The following SIPA1L1 variants were observed in gnomAD, a reference collection of about 807,000 sequenced individuals.
SIPA1L1 encodes the protein signal-induced proliferation-associated 1-like protein 1.
SIPA1L1 carries 26 observed loss-of-function variants against 162.7 expected under a neutral mutation model. The observed-to-expected ratio is 0.16, with a 90% CI of 0.12 to 0.22. SIPA1L1 has a LOEUF of 0.22. SIPA1L1 is among the 10% of genes least tolerant of loss of function. The pLI, the probability that SIPA1L1 is intolerant of heterozygous loss-of-function variation, is 1.00. For synonymous variants in SIPA1L1, 829 were observed against 837.4 expected (o/e 0.99, Z 0.17); for missense variants, 1,874 against 2,241.0 (o/e 0.84, Z 3.31).
At chr14:71,321,325 G>C (rs1291247905) in intron 2 of SIPA1L1, 144 bp downstream of exon 2, 1 of 152,400 alleles carries the variant, frequency 6.6e-6, no homozygotes, top group African/African-American at 2.4e-5. Context: ...TTTCGATTTG[G>C]TGGCTTGCTG....
intron 2 of SIPA1L1, among the ~76,000 whole-genome samples, chr14:71,481,445 C>T (rs188227138): frequency 4.6e-5 from 7 of 152,188 alleles, no homozygotes; most frequent in Admixed American, 1.3e-4. Context: ...CTCCATTGCA[C>T]ACCAGTTGCA....
chr14:71,589,545 A>G (rs2035000570), intron 5 of SIPA1L1, among the ~76,000 whole-genome samples, 175 bp downstream of exon 5: 1 of 152,100 alleles, frequency 6.6e-6, no homozygotes, highest in South Asian at 2.1e-4. Context: ...GCATTTTTTG[A>G]GTTACTTTCT....
rs35338562 is a variant in SIPA1L1, at chr14:71,364,748, A to AT, written c.-465+43582dup. Among the ~76,000 whole-genome samples the AT allele has an allele frequency of 1.7e-3, 253 of 145,974 alleles. 1 individual carries two copies. The highest frequency in any genetic ancestry group is 3.6e-3 in the Middle Eastern group (1 of 276). ...ATCTGCATATTCCAGCAGAACATCA[A>AT]TTTTTTTTTTTTTTTGAGACAGAGT... On this transcript the variant is annotated intron_variant, in intron 2 of 23. Coordinates refer to ENST00000381232, the MANE Select transcript of SIPA1L1 (RefSeq NM_001386936.1).
intron 13 of SIPA1L1, among the ~76,000 whole-genome samples, chr14:71,694,476 C>T (rs370732403): frequency 5.9e-5 from 9 of 151,350 alleles, no homozygotes; most frequent in East Asian, 1.9e-4. Flanking sequence ...TTTTCAATTG[C>T]GCATTCTTAG....
At chr14:71,461,305 G>A (rs1409428816) in intron 2 of SIPA1L1, among the ~76,000 whole-genome samples, 6 of 152,176 alleles carry the variant, frequency 3.9e-5, no homozygotes, top group South Asian at 2.1e-4. Flanking sequence ...AGAAGTGGCC[G>A]TAGCCAGGAC....
At chr14:71,340,248 T>C (rs2035509719) in intron 2 of SIPA1L1, among the ~76,000 whole-genome samples, 1 of 152,208 alleles carries the variant, frequency 6.6e-6, no homozygotes, top group Non-Finnish European at 1.5e-5. Context: ...GGACTGTTTT[T>C]TTTTTCGTAT....
intron 2 of SIPA1L1, among the ~76,000 whole-genome samples, chr14:71,360,220 A>G (rs1043248301): frequency 6.6e-6 from 1 of 152,266 alleles, no homozygotes; most frequent in African/African-American, 2.4e-5. Context: ...GTAGTCTTCT[A>G]TTGAGTTCTA....
intron 5 of SIPA1L1, among the ~76,000 whole-genome samples, chr14:71,590,056 T>A (rs1227036856): frequency 7.9e-5 from 10 of 126,872 alleles, no homozygotes; most frequent in African/African-American, 2.5e-4. Flanking sequence ...TATATATATA[T>A]ATATATATAT....
chr14:71,672,773 A>G lies in SIPA1L1; in HGVS notation c.3104+151A>G. On this transcript the variant is annotated intron_variant, in intron 12 of 23. Coordinates refer to ENST00000381232, the MANE Select transcript of SIPA1L1 (RefSeq NM_001386936.1). The stretch of plus-strand genomic sequence containing the variant: ...ATGTTTCATCCATGGAGTCTGACTC[A>G]GGACGAAGCTCCCTTTCAGTGTGTG... 4.6e-6 allele frequency: 4 copies of G among 864,888 alleles called. No homozygotes were observed. The South Asian group carries it at 7.2e-5, about 15-fold the overall frequency. 53.6% of individuals were successfully genotyped at this position (864,888 alleles called of 1,614,324 possible). A position where few individuals can be genotyped will look rare whatever the true frequency, so the allele number is the denominator to read the frequency against.
chr14:71,361,817 G>T (rs973868108), intron 2 of SIPA1L1, among the ~76,000 whole-genome samples: 2 of 152,198 alleles, frequency 1.3e-5, no homozygotes, highest in African/African-American at 4.8e-5. Flanking sequence ...AGGTTTTCCA[G>T]TGCTTTAAGG....
chr14:71,630,756 A>G (rs2040485713), intron 7 of SIPA1L1, among the ~76,000 whole-genome samples: 1 of 151,778 alleles, frequency 6.6e-6, no homozygotes, highest in Admixed American at 6.6e-5. Context: ...CACCTTATTA[A>G]CTACAAGGTG....
At chr14:71,333,745 C>CA (rs2034799633) in intron 2 of SIPA1L1, among the ~76,000 whole-genome samples, 1 of 152,108 alleles carries the variant, frequency 6.6e-6, no homozygotes, top group Admixed American at 6.5e-5. Flanking sequence ...GGGTTTTGTA[C>CA]AAAGGGTTTT....
intron 4 of SIPA1L1, among the ~76,000 whole-genome samples, chr14:71,562,241 T>C (rs1193649640): frequency 6.6e-6 from 1 of 152,034 alleles, no homozygotes; most frequent in African/African-American, 2.4e-5. Context: ...TACTTTTGTT[T>C]ATTTTTCCCT....
intron 4 of SIPA1L1, among the ~76,000 whole-genome samples, chr14:71,546,142 T>C (rs969019737): frequency 2.6e-5 from 4 of 152,174 alleles, no homozygotes; most frequent in Non-Finnish European, 5.9e-5. Context: ...CTGTGGCTTC[T>C]GCTTTTAAAG....
intron 2 of SIPA1L1, among the ~76,000 whole-genome samples, chr14:71,417,243 G>A (rs1359128686): frequency 6.6e-6 from 1 of 151,638 alleles, no homozygotes; most frequent in African/African-American, 2.4e-5. Flanking sequence ...AGGCCGAGGC[G>A]GGTGGATCAC....
At chr14:71,459,065 C>T (rs758365169) in intron 2 of SIPA1L1, among the ~76,000 whole-genome samples, 24 of 147,336 alleles carry the variant, frequency 1.6e-4, no homozygotes, top group Non-Finnish European at 3.1e-4. Flanking sequence ...GAGAGAGGCT[C>T]TGTCTGAAAA....
chr14:71,623,529 G>C (rs919868505), intron 6 of SIPA1L1, among the ~76,000 whole-genome samples: 1 of 152,200 alleles, frequency 6.6e-6, no homozygotes, highest in African/African-American at 2.4e-5. Context: ...CTGTACTGAT[G>C]GTGATAATTG....
At chr14:71,515,281 A>G (rs903061887) in intron 3 of SIPA1L1, among the ~76,000 whole-genome samples, 3 of 152,234 alleles carry the variant, frequency 2.0e-5, no homozygotes, top group Admixed American at 2.0e-4. Context: ...ATTACGGCTT[A>G]ATAAATTCAG....
intron 13 of SIPA1L1, among the ~76,000 whole-genome samples, chr14:71,690,844 G>C (rs999777203): frequency 1.1e-4 from 16 of 152,080 alleles, no homozygotes; most frequent in African/African-American, 3.9e-4. Context: ...GTTTTGCCTT[G>C]GTCTCTTTTT....
Sources: allele counts gnomAD v4.1 joint callset (sites outside exome capture counted in the v4.1 genomes callset), GRCh38; gene constraint gnomAD v4.1.1; transcripts MANE v1.5; gene names NCBI Gene and HGNC (gene_info 2026-07-23, HGNC 2026-07-21).